The following ACSL1 variants were observed in gnomAD, a reference collection of about 807,000 sequenced individuals.
ACSL1 encodes long-chain-fatty-acid--CoA ligase 1.
Under a neutral mutation model 98.4 loss-of-function variants are expected in ACSL1, and 41 were observed. The observed-to-expected ratio is 0.42, with a 90% CI of 0.32 to 0.54. ACSL1 has a LOEUF of 0.54. ACSL1 is among the 20% of genes least tolerant of loss of function. ACSL1 has a pLI of 0.13. For synonymous variants in ACSL1, 316 were observed against 322.7 expected (o/e 0.98, Z 0.22); for missense variants, 734 against 883.1 (o/e 0.83, Z 2.14).
rs549183980 is a variant in ACSL1, at chr4:184,788,442, T to A, written c.310+175A>T. 1.7e-5 allele frequency: 12 copies of A among 688,790 alleles called. No individual in the cohort carries two copies. The African/African-American group carries it at 2.1e-4, about 12-fold the overall frequency. The allele number at this position is 688,790 out of a possible 1,614,324, so 42.7% of individuals were successfully genotyped here. ...GGAGCCCCCAGGGCCACAGGGAACA[T>A]CTAGAGGGTCCAGTGAGCTTTGGGA... On this transcript the variant is annotated intron_variant, in intron 3 of 20. Coordinates refer to ENST00000281455, the MANE Select transcript of ACSL1 (RefSeq NM_001995.5).
chr4:184,814,094 T>C (rs1255185217), intron 1 of ACSL1, among the ~76,000 whole-genome samples: 1 of 151,808 alleles, frequency 6.6e-6, no homozygotes, highest in Non-Finnish European at 1.5e-5. Flanking sequence ...ATCAAGACCA[T>C]CCTGGCTCAC....
chr4:184,774,638 CA>C (rs1765015418), intron 7 of ACSL1, among the ~76,000 whole-genome samples: 1 of 152,134 alleles, frequency 6.6e-6, no homozygotes, highest in Admixed American at 6.5e-5. Context: ...TTAATTTTAA[CA>C]AATGAACTAT....
chr4:184,773,590 C>T lies in ACSL1; in HGVS notation c.841+73G>A. The T allele has an allele frequency of 7.1e-7, 1 of 1,412,840 alleles. No individual in the cohort carries two copies. Among genetic ancestry groups the T allele is most frequent in the Non-Finnish European group, 9.7e-7 (1 of 1,032,682 alleles). The allele number at this position is 1,412,840 out of a possible 1,614,324, so 87.5% of individuals were successfully genotyped here. On this transcript the variant is annotated intron_variant, in intron 9 of 20. Coordinates refer to ENST00000281455, the MANE Select transcript of ACSL1 (RefSeq NM_001995.5). The surrounding 1 kb of genome is among the most constrained non-coding windows in gnomAD (Gnocchi z 4.3). ...GTCCGTCTACTGTTAGCTGATAAGT[C>T]ATCCAAAAGAGGTAGGGGAGAGTCC...
At chr4:184,802,872 T>C (rs35180310) in intron 2 of ACSL1, among the ~76,000 whole-genome samples, 154 of 152,314 alleles carry the variant, frequency 1.0e-3, no homozygotes, top group African/African-American at 3.6e-3. Context: ...CTATTTGAAA[T>C]CCCAAAGTCC....
At chr4:184,763,698 C>T (rs754957170) in intron 15 of ACSL1, among the ~76,000 whole-genome samples, 13 of 152,196 alleles carry the variant, frequency 8.5e-5, no homozygotes, top group African/African-American at 2.2e-4. Context: ...CTGATCAACA[C>T]GGCCTTTATT....
At chr4:184,764,409 T>C (rs1341520592) in intron 15 of ACSL1, among the ~76,000 whole-genome samples, 1 of 152,200 alleles carries the variant, frequency 6.6e-6, no homozygotes, top group Non-Finnish European at 1.5e-5. Flanking sequence ...GAAATGACTT[T>C]TTGAGAAAAA....
At chr4:184,776,376 GCC>G (rs199626599) in intron 7 of ACSL1, 106 bp downstream of exon 7, 33,142 of 1,287,630 alleles carry the variant, frequency 0.026, 533 homozygotes, top group Non-Finnish European at 0.031. Flanking sequence ...GAGGCAACCG[GCC>G]AGCGCTGGGA....
intron 5 of ACSL1, among the ~76,000 whole-genome samples, chr4:184,777,451 C>CTGTATGTA (rs1554018963): frequency 7.4e-6 from 1 of 135,600 alleles, no homozygotes; most frequent in Non-Finnish European, 1.6e-5. Flanking sequence ...GAGTGAGATC[C>CTGTATGTA]TGTATGTATG....
intron 2 of ACSL1, among the ~76,000 whole-genome samples, chr4:184,789,377 T>C (rs985578724): frequency 1.2e-4 from 18 of 152,228 alleles, no homozygotes; most frequent in African/African-American, 7.2e-5. Flanking sequence ...CCTGTTCAGC[T>C]CTGGTGGAAA....
chr4:184,812,355 T>G (rs902431412), intron 1 of ACSL1: 3 of 407,640 alleles, frequency 7.4e-6, no homozygotes, highest in African/African-American at 4.3e-5. Flanking sequence ...TGACTGTGTC[T>G]CTGCAGCAAG....
At chr4:184,819,575 G>A (rs1363599729) in intron 1 of ACSL1, among the ~76,000 whole-genome samples, 1 of 152,096 alleles carries the variant, frequency 6.6e-6, no homozygotes, top group Non-Finnish European at 1.5e-5. Context: ...TCAGGCAGAT[G>A]ACAGCACCCA....
At chr4:184,799,884 G>C (rs1011227569) in intron 2 of ACSL1, among the ~76,000 whole-genome samples, 3 of 152,032 alleles carry the variant, frequency 2.0e-5, no homozygotes, top group African/African-American at 7.2e-5. Context: ...CTGCTCCTGG[G>C]TTTAGAGGCT....
intron 3 of ACSL1, among the ~76,000 whole-genome samples, chr4:184,786,164 T>C (rs538584502): frequency 6.6e-6 from 1 of 152,366 alleles, no homozygotes; most frequent in Admixed American, 6.5e-5. Context: ...ATCTTATTTT[T>C]ATCAATTGTT....
Position 184,773,110 on chromosome 4 carries a change from C to T in ACSL1, c.886G>A (p.Asp296Asn), listed in dbSNP as rs770898537. The change falls in exon 10 of 21, where the codon GAT becomes AAT. Residue 296 changes from aspartate (D) to asparagine (N), a missense_variant. Asp to Asn is a conservative substitution (Grantham distance 23). Coordinates refer to ENST00000281455, the MANE Select transcript of ACSL1 (RefSeq NM_001995.5). The surrounding 1 kb of genome is among the most constrained non-coding windows in gnomAD (Gnocchi z 4.3). Reference sequence around the variant, plus strand: ...GTTGCTTTCACAAAAGCTGAACAATCGCTCACTATGTTTCGGTGAGTGACC... The same window carrying T: ...GTTGCTTTCACAAAAGCTGAACAATTGCTCACTATGTTTCGGTGAGTGACC... ...AMVTHRNIVS[D>N]CSAFVKATEN... The T allele has an allele frequency of 3.1e-6, 5 of 1,613,898 alleles. No individual in the cohort carries two copies. Among genetic ancestry groups the T allele is most frequent in the East Asian group, 2.2e-5 (1 of 44,900 alleles).
At chr4:184,794,645 T>C (rs892251432) in intron 2 of ACSL1, among the ~76,000 whole-genome samples, 6 of 152,220 alleles carry the variant, frequency 3.9e-5, no homozygotes, top group African/African-American at 1.4e-4. Flanking sequence ...CTCAGTCCCA[T>C]GTCCACCACA....
chr4:184,773,740 G>C lies in ACSL1; in HGVS notation c.790-26C>G, dbSNP rs568619428. ...CTAAAGATTAAAAAAAAAAAAAGCT[G>C]GTATAAATCAGAACAGAAAAGAGAA... On this transcript the variant is annotated intron_variant, in intron 8 of 20. Transcript: ENST00000281455. The surrounding 1 kb of genome is among the most constrained non-coding windows in gnomAD (Gnocchi z 4.3). 3 of 1,595,822 alleles carry C rather than the reference G, an allele frequency of 1.9e-6. No homozygotes were observed. The highest frequency in any genetic ancestry group is 1.8e-5 in the Admixed American group (1 of 55,870).
intron 5 of ACSL1, among the ~76,000 whole-genome samples, chr4:184,779,743 CT>C (rs2150344895): frequency 6.6e-6 from 1 of 152,170 alleles, no homozygotes; most frequent in East Asian, 1.9e-4. Flanking sequence ...AAAAAGACTC[CT>C]TTGTTAGTTA....
intron 7 of ACSL1, 125 bp downstream of exon 7, chr4:184,776,359 G>A: frequency 2.0e-6 from 2 of 992,428 alleles, no homozygotes; most frequent in Non-Finnish European, 1.5e-6. Flanking sequence ...CTCTTTCATG[G>A]GTTGCGGAGG....
chr4:184,803,645 T>C lies in ACSL1; in HGVS notation c.-32-99A>G, dbSNP rs1770924750. 1 of 745,194 alleles carries C rather than the reference T, an allele frequency of 1.3e-6. No individual in the cohort carries two copies. The highest frequency in any genetic ancestry group is 1.8e-5 in the African/African-American group (1 of 55,566). The allele number at this position is 745,194 out of a possible 1,614,324, so 46.2% of individuals were successfully genotyped here. Reference sequence around the variant, plus strand: ...GCCAGCCATCTAATTGGGTAGCTGCTCGGCCAGTCCAGGCATTAAACCCAC... The same window carrying C: ...GCCAGCCATCTAATTGGGTAGCTGCCCGGCCAGTCCAGGCATTAAACCCAC... On this transcript the variant is annotated intron_variant, in intron 1 of 20. Transcript: ENST00000281455. This position sits in a 1 kb window ranked among gnomAD's most constrained non-coding sequence, Gnocchi z 4.8.
Sources: gnomAD v4.1 joint callset for allele counts (sites outside exome capture counted in the v4.1 genomes callset) on GRCh38, gnomAD v4.1.1 for gene constraint, Gnocchi (gnomAD v3.1) non-coding constraint, MANE v1.5 for transcripts, NCBI Gene and HGNC (gene_info 2026-07-23, HGNC 2026-07-21) for gene names.